Variants in SSH2 observed in about 807,000 individuals in gnomAD.
SSH2 encodes protein phosphatase Slingshot homolog 2.
In SSH2, 37 loss-of-function variants were observed where a neutral mutation model predicts 135.2. The ratio of observed to expected loss-of-function variants is 0.27; its 90% CI spans 0.21 to 0.36. SSH2 has a LOEUF of 0.36. Ranked by LOEUF, SSH2 falls within the 10% of genes least tolerant of loss-of-function variation. SSH2 has a pLI of 1.00. For missense variants in SSH2, 1,408 were observed against 1,765.3 expected, an observed-to-expected ratio of 0.80 and a Z score of 3.63; for synonymous variants, 628 against 646.2, an observed-to-expected ratio of 0.97 and a Z score of 0.43.
intron 3 of SSH2, among the ~76,000 whole-genome samples, chr17:29,733,461 A>G (rs1266608383): frequency 6.6e-6 from 1 of 152,258 alleles, no homozygotes; most frequent in Non-Finnish European, 1.5e-5. Flanking sequence ...TGCAATTATG[A>G]AATTTCTTCT....
intron 3 of SSH2, among the ~76,000 whole-genome samples, chr17:29,779,215 A>C (rs2041783271): frequency 6.6e-6 from 1 of 152,208 alleles, no homozygotes; most frequent in South Asian, 2.1e-4. Context: ...TATGGCTTTC[A>C]CATCCACCAG....
intron 11 of SSH2, among the ~76,000 whole-genome samples, chr17:29,660,248 G>A (rs2036973382): frequency 6.6e-6 from 1 of 151,860 alleles, no homozygotes. Flanking sequence ...GGGGACATTA[G>A]GGCCAACTGC....
intron 3 of SSH2, among the ~76,000 whole-genome samples, chr17:29,780,852 G>A (rs994153300): frequency 6.7e-6 from 1 of 150,070 alleles, no homozygotes; most frequent in Non-Finnish European, 1.5e-5. Context: ...TCGCTCTGTC[G>A]CCCAGGCTGG....
rs139238655 is a variant in SSH2 at position 29,804,569 on chromosome 17, G to A, written c.145-10632C>T. 5.4e-4 allele frequency among the ~76,000 whole-genome samples: 82 copies of A among 152,266 alleles called. 1 individual carries two copies. The South Asian group carries it at 0.012, about 22-fold the overall frequency. Reference sequence around the variant, plus strand: ...CACTTTTTAAAAAGTTATTTAATGTGTGCAACCTAACTCACCCACTTGTGA... The same window carrying A: ...CACTTTTTAAAAAGTTATTTAATGTATGCAACCTAACTCACCCACTTGTGA... On this transcript the variant is annotated intron_variant, in intron 2 of 15. Transcript: ENST00000540801.
intron 3 of SSH2, among the ~76,000 whole-genome samples, chr17:29,761,875 A>G (rs140383046): frequency 0.44 from 53,203 of 120,656 alleles, 11,074 homozygotes; most frequent in Non-Finnish European, 0.47. Context: ...GTGTGTGTAT[A>G]TATATATATA....
Position 29,648,351 on chromosome 17 carries a change from T to TG in SSH2, c.1227-8dup. 7 of 1,596,904 alleles carry TG rather than the reference T, an allele frequency of 4.4e-6. No homozygotes were observed. In the South Asian group the frequency reaches 6.7e-5, roughly 15 times the overall value. Reference sequence around the variant, plus strand: ...GCATTTAGATCCATGTTTCCTTGTTTGGGGGATTGAGGTAAAGAATAGAGG... The same window carrying TG: ...GCATTTAGATCCATGTTTCCTTGTTTGGGGGGATTGAGGTAAAGAATAGAGG... On this transcript the variant is annotated splice_region_variant and splice_polypyrimidine_tract_variant and intron_variant, in intron 13 of 15. Transcript: ENST00000540801.
At chr17:29,702,255 A>T (rs961890128) in intron 4 of SSH2, among the ~76,000 whole-genome samples, 1 of 151,712 alleles carries the variant, frequency 6.6e-6, no homozygotes, top group African/African-American at 2.4e-5. Flanking sequence ...TGGGAGGTTG[A>T]GGCAGGAGAA....
chr17:29,792,730 G>A (rs578132302), intron 3 of SSH2, among the ~76,000 whole-genome samples: 1 of 152,338 alleles, frequency 6.6e-6, no homozygotes, highest in African/African-American at 2.4e-5. Context: ...AAGCTGGAGT[G>A]CAGTGGCGCG....
intron 1 of SSH2, among the ~76,000 whole-genome samples, chr17:29,862,750 C>T (rs1374667317): frequency 6.6e-6 from 1 of 152,222 alleles, no homozygotes; most frequent in Non-Finnish European, 1.5e-5. Flanking sequence ...GGTATTGCTG[C>T]TCTTCACTCA....
chr17:29,849,433 C>T lies in SSH2; in HGVS notation c.64-504G>A, dbSNP rs560194511. On this transcript the variant is annotated intron_variant, in intron 1 of 15. Coordinates refer to ENST00000540801, the MANE Select transcript of SSH2 (RefSeq NM_001282129.2). The stretch of plus-strand genomic sequence containing the variant: ...GGCTGAGCTTGCAGTGAGCCGAGAT[C>T]GCGCCACTGTACTCCAGCCTGGGCG... 4.7e-3 allele frequency among the ~76,000 whole-genome samples: 676 copies of T among 144,604 alleles called. 8 individuals carry two copies. Among genetic ancestry groups the T allele is most frequent in the African/African-American group, 0.016 (628 of 38,572 alleles). The allele number at this position is 144,604 out of a possible 152,430, so 94.9% of individuals were successfully genotyped here. A position where few individuals can be genotyped will look rare whatever the true frequency, so the allele number is the denominator to read the frequency against.
At chr17:29,694,439 G>C (rs2038632879) in intron 5 of SSH2, among the ~76,000 whole-genome samples, 1 of 152,368 alleles carries the variant, frequency 6.6e-6, no homozygotes, top group Non-Finnish European at 1.5e-5. Flanking sequence ...GGGAGGCCAA[G>C]GTGGGTGGAT....
At chr17:29,848,481 G>A (rs887110585) in intron 2 of SSH2, among the ~76,000 whole-genome samples, 4 of 152,056 alleles carry the variant, frequency 2.6e-5, no homozygotes, top group Non-Finnish European at 5.9e-5. Context: ...CCAAGCAGTT[G>A]CCACAGGGAA....
chr17:29,907,880 G>A (rs765642277), intron 1 of SSH2, among the ~76,000 whole-genome samples: 2 of 147,620 alleles, frequency 1.4e-5, no homozygotes, highest in Non-Finnish European at 3.0e-5. Flanking sequence ...GGTTTCAGTG[G>A]TGTGATCATG....
intron 14 of SSH2, chr17:29,647,926 G>T: frequency 2.0e-6 from 1 of 505,560 alleles, no homozygotes; most frequent in South Asian, 2.2e-5. Context: ...GCCTCCCAAA[G>T]TGCTGGGATT....
chr17:29,770,098 T>TG (rs1567963067), intron 3 of SSH2, among the ~76,000 whole-genome samples: 3 of 102,228 alleles, frequency 2.9e-5, no homozygotes, highest in Middle Eastern at 5.0e-3. Context: ...TTTAGTTTTT[T>TG]TTTTTTTTTT....
At chr17:29,820,067 TTTG>T (rs140435040) in intron 2 of SSH2, among the ~76,000 whole-genome samples, 5,384 of 152,328 alleles carry the variant, frequency 0.035, 139 homozygotes, top group African/African-American at 0.064. Flanking sequence ...CATCTTGCTC[TTTG>T]TTGTTTGCCA....
At chr17:29,850,335 G>A (rs1252525572) in intron 1 of SSH2, among the ~76,000 whole-genome samples, 1 of 152,150 alleles carries the variant, frequency 6.6e-6, no homozygotes, top group Non-Finnish European at 1.5e-5. Flanking sequence ...TCCCTACATG[G>A]ATCATTGATG....
intron 3 of SSH2, among the ~76,000 whole-genome samples, chr17:29,730,757 T>C (rs1424081981): frequency 1.3e-5 from 2 of 152,118 alleles, no homozygotes; most frequent in Non-Finnish European, 2.9e-5. Context: ...TTATTACACA[T>C]TGCATGCCTG....
intron 3 of SSH2, among the ~76,000 whole-genome samples, chr17:29,733,910 CTT>C (rs200752788): frequency 1.5e-4 from 19 of 130,522 alleles, no homozygotes; most frequent in Admixed American, 2.3e-4. Flanking sequence ...TAATTTCTTT[CTT>C]TTTTTTTTTT....
Sources: gnomAD v4.1 joint callset for allele counts (sites outside exome capture counted in the v4.1 genomes callset) on GRCh38, gnomAD v4.1.1 for gene constraint, MANE v1.5 for transcripts, NCBI Gene and HGNC (gene_info 2026-07-23, HGNC 2026-07-21) for gene names.